HS1BP3: variants seen among roughly 807,000 people sequenced by gnomAD.
HS1BP3 encodes the protein HCLS1 binding protein 3, also known as HCLS1-binding protein 3.
Under a neutral mutation model 33.5 loss-of-function variants are expected in HS1BP3, and 32 were observed. The ratio of observed to expected loss-of-function variants is 0.95; its 90% CI spans 0.72 to 1.28. The LOEUF is 1.28. HS1BP3 is among the 50% of genes most tolerant of loss of function. The pLI is 0.00. For synonymous variants in HS1BP3, 187 were observed against 209.2 expected, an observed-to-expected ratio of 0.89 and a Z score of 0.92; for missense variants, 486 against 502.3, an observed-to-expected ratio of 0.97 and a Z score of 0.31.
In HS1BP3 at chr2:20,624,738, C is replaced by T. The variant is rs2305458; in HGVS notation, c.778G>A (p.Val260Met). The T allele has an allele frequency of 0.54, 865,758 of 1,596,614 alleles. 241,659 individuals carry two copies. The highest frequency in any genetic ancestry group is 0.59 in the Non-Finnish European group (686,642 of 1,170,086). Residue 260 changes from valine to methionine, a missense_variant, in exon 5 of 7, where the codon GTG (valine) becomes ATG (methionine). Transcript: ENST00000304031. ...ACCATGGGGCTCTACTTACGGTCCA[C>T]GGATGACACGTCCTCCGAGGGGTCC... ...PQDPSEDVSS[V>M]DPLKLFDDPD... is the part of the protein sequence containing the mutation.
rs1031305457 is a variant in HS1BP3, at chr2:20,602,855, A to T, written c.179-4590T>A. Among the ~76,000 whole-genome samples, 9 of 152,382 alleles carry T rather than the reference A, an allele frequency of 5.9e-5. No individual in the cohort carries two copies. In the South Asian group the frequency reaches 1.0e-3, roughly 18 times the overall value. On this transcript the variant is annotated intron_variant, in intron 2 of 3. Coordinates refer to the HS1BP3 transcript ENST00000415264. ...ATCTGATAAGGTTTATCGGGAATAC[A>T]TAAGAAGCTCTTTTCGAAAACTCAA...
At chr2:20,619,376 C>T (rs1694524320) in intron 6 of HS1BP3, 131 bp from the exon 7 acceptor site, 2 of 768,748 alleles carry the variant, frequency 2.6e-6, no homozygotes. Flanking sequence ...AGGTCAAGGC[C>T]CCGCCCTGCT....
At position 20,602,708 on chromosome 2, in the gene HS1BP3, C is replaced by T. The variant is rs916083500; in HGVS notation, c.179-4443G>A. On this transcript the variant is annotated intron_variant, in intron 2 of 3. Transcript: ENST00000415264. ...GTCGATGACACCAAAAGCACAAGCCCATGAGGAAAAACTAGATAAATTGGA... is the reference window on the plus strand; with the variant it reads ...GTCGATGACACCAAAAGCACAAGCCTATGAGGAAAAACTAGATAAATTGGA... 2.0e-5 allele frequency among the ~76,000 whole-genome samples: 3 copies of T among 152,070 alleles called. No homozygotes were observed. In the East Asian group the frequency reaches 5.8e-4, roughly 29 times the overall value.
intron 5 of HS1BP3, among the ~76,000 whole-genome samples, chr2:20,581,958 C>A (rs879447224): frequency 6.6e-6 from 1 of 152,304 alleles, no homozygotes; most frequent in African/African-American, 2.4e-5. Flanking sequence ...GAGAGGTACT[C>A]GACTCAGGAA....
chr2:20,640,850 C>A (rs1320991298), intron 3 of HS1BP3, 123 bp downstream of exon 3: 3 of 959,524 alleles, frequency 3.1e-6, no homozygotes, highest in Non-Finnish European at 4.9e-6. Context: ...ACCTGCCTCA[C>A]CAGCCTGGCT....
chr2:20,619,888 C>T (rs777480093), intron 6 of HS1BP3, among the ~76,000 whole-genome samples: 22 of 152,340 alleles, frequency 1.4e-4, no homozygotes, highest in South Asian at 2.1e-4. Context: ...CACAGTGCCC[C>T]GCTGTGGGCC....
At chr2:20,566,750 G>A (rs1268631717) in intron 5 of HS1BP3, among the ~76,000 whole-genome samples, 1 of 152,060 alleles carries the variant, frequency 6.6e-6, no homozygotes, top group Non-Finnish European at 1.5e-5. Context: ...GGGATTACAG[G>A]CACACACCAC....
intron 4 of HS1BP3, among the ~76,000 whole-genome samples, chr2:20,634,109 C>T (rs922067077): frequency 4.6e-5 from 7 of 152,230 alleles, no homozygotes; most frequent in African/African-American, 1.7e-4. Flanking sequence ...GAGGGAAAGC[C>T]CAGCCCGAGC....
intron 2 of HS1BP3, among the ~76,000 whole-genome samples, chr2:20,641,885 G>A (rs553269401): frequency 3.3e-5 from 5 of 152,260 alleles, no homozygotes; most frequent in South Asian, 4.1e-4. Context: ...CTTCACTCAC[G>A]GAGCTCTTGC....
At chr2:20,575,939 G>C (rs1216341461) in intron 5 of HS1BP3, among the ~76,000 whole-genome samples, 2 of 152,216 alleles carry the variant, frequency 1.3e-5, no homozygotes, top group South Asian at 2.1e-4. Context: ...GGGGGAAGGG[G>C]ACTGGGGAGG....
Position 20,636,949 on chromosome 2 carries a change from G to A in HS1BP3, c.623+1487C>T, listed in dbSNP as rs369986906. The A allele has an allele frequency of 2.0e-5, 3 of 152,134 alleles. No homozygotes were observed. In the East Asian group the frequency reaches 5.8e-4, roughly 29 times the overall value. The allele number at this position is 152,134 out of a possible 1,614,324, so 9.4% of individuals were successfully genotyped here. ...CCCCAGCAGGGGAGGGTCTTAAGCC[G>A]GCAGGATTACTCTTAGGTGCTAAGC... On this transcript the variant is annotated intron_variant, in intron 4 of 6. Coordinates refer to ENST00000304031, the MANE Select transcript of HS1BP3 (RefSeq NM_022460.4).
intron 1 of HS1BP3, among the ~76,000 whole-genome samples, chr2:20,649,013 C>A (rs1284205101): frequency 6.6e-6 from 1 of 151,940 alleles, no homozygotes; most frequent in South Asian, 2.1e-4. Context: ...GCCGCCATCA[C>A]CCCGGGCCAA....
At chr2:20,648,093 C>T (rs1695571714) in intron 1 of HS1BP3, among the ~76,000 whole-genome samples, 1 of 152,212 alleles carries the variant, frequency 6.6e-6, no homozygotes, top group Admixed American at 6.5e-5. Flanking sequence ...GAGGCCCTCC[C>T]ACCTACTGAA....
intron 2 of HS1BP3, among the ~76,000 whole-genome samples, chr2:20,610,264 C>T (rs55766730): frequency 5.9e-5 from 9 of 152,016 alleles, no homozygotes; most frequent in African/African-American, 1.9e-4. Flanking sequence ...ACTCTTGGTG[C>T]GGTGCATTCT....
At chr2:20,613,640 G>A (rs1424696286), downstream of HS1BP3, among the ~76,000 whole-genome samples, 1 of 152,254 alleles carries the variant, frequency 6.6e-6, no homozygotes, top group African/African-American at 2.4e-5. Flanking sequence ...GAGAGAATTT[G>A]ACATGTCTGG....
chr2:20,554,175 A>G, the HS1BP3 span, among the ~76,000 whole-genome samples: 3 of 152,232 alleles, frequency 2.0e-5, no homozygotes, highest in South Asian at 2.1e-4. Flanking sequence ...CACTAATTCT[A>G]TCTACCAAGG....
downstream of HS1BP3, among the ~76,000 whole-genome samples, chr2:20,555,982 T>C (rs1348724808): frequency 6.6e-6 from 1 of 152,180 alleles, no homozygotes; most frequent in Non-Finnish European, 1.5e-5. Flanking sequence ...TGAGTCTATG[T>C]GTGAAGGTAA....
chr2:20,641,224 G>A (rs1558350003), intron 2 of HS1BP3, 44 bp from the exon 3 acceptor site: 1 of 1,551,810 alleles, frequency 6.4e-7, no homozygotes, highest in Non-Finnish European at 8.8e-7. Context: ...AAGAGTGGCA[G>A]GCAGTGCTCC....
At chr2:20,599,845 G>C (rs1401709797) in intron 2 of HS1BP3, among the ~76,000 whole-genome samples, 3 of 152,128 alleles carry the variant, frequency 2.0e-5, no homozygotes, top group Admixed American at 6.5e-5. Flanking sequence ...TCCCCAGGGA[G>C]ACAGGCCTGA....
Sources: gnomAD v4.1 joint callset for allele counts (sites outside exome capture counted in the v4.1 genomes callset) on GRCh38, gnomAD v4.1.1 for gene constraint, MANE v1.5 for transcripts, NCBI Gene and HGNC (gene_info 2026-07-23, HGNC 2026-07-21) for gene names.